Variants in CCDC146 observed in about 807,000 individuals in gnomAD.
CCDC146 encodes the protein coiled-coil domain containing 146.
Under a neutral mutation model 119.3 loss-of-function variants are expected in CCDC146, and 92 were observed. That is an observed-to-expected ratio of 0.77 (90% CI 0.65 to 0.92). The LOEUF is 0.92. Among genes scored for constraint, CCDC146 ranks in the 40% least tolerant of loss-of-function variants. The pLI is 0.00. For synonymous variants in CCDC146, 372 were observed against 371.8 expected (o/e 1.00, Z -0.01); for missense variants, 1,000 against 1,103.0 (o/e 0.91, Z 1.32).
At chr7:77,274,438 T>G in intron 10 of CCDC146, 44 bp from the exon 11 acceptor site, 1 of 1,293,028 alleles carries the variant, frequency 7.7e-7, no homozygotes, top group Non-Finnish European at 1.1e-6. Flanking sequence ...CTGTATTACT[T>G]CAAACAAATA....
chr7:77,141,587 C>T (rs1790934395), intron 1 of CCDC146, among the ~76,000 whole-genome samples: 1 of 152,188 alleles, frequency 6.6e-6, no homozygotes, highest in Non-Finnish European at 1.5e-5. Flanking sequence ...TCTGTTGTTT[C>T]CTGACTTTTT....
intron 18 of CCDC146, among the ~76,000 whole-genome samples, chr7:77,293,718 A>G (rs1174246234): frequency 1.3e-5 from 2 of 152,114 alleles, no homozygotes; most frequent in African/African-American, 2.4e-5. Flanking sequence ...GACTAGGTCT[A>G]TTGCTGACTC....
intron 4 of CCDC146, among the ~76,000 whole-genome samples, chr7:77,251,522 C>T (rs1287282269): frequency 1.3e-5 from 2 of 152,016 alleles, no homozygotes; most frequent in Non-Finnish European, 2.9e-5. Context: ...TTCAGTGTGC[C>T]TTGCAGTTTT....
In CCDC146 at chr7:77,145,017, G is replaced by T. The variant is rs183043328; in HGVS notation, c.-12+22285G>T. ...GGTACCAGCTCCTCCTAGTACCTCT[G>T]GTAGAATTCGGCTGTGAATCCGTCT... On this transcript the variant is annotated intron_variant, in intron 1 of 18. Coordinates refer to ENST00000285871, the MANE Select transcript of CCDC146 (RefSeq NM_020879.3). 5.3e-4 allele frequency among the ~76,000 whole-genome samples: 81 copies of T among 151,754 alleles called. 1 individual carries two copies. The highest frequency in any genetic ancestry group is 1.9e-3 in the African/African-American group (79 of 41,130).
chr7:77,228,391 T>C (rs904475257), intron 2 of CCDC146, among the ~76,000 whole-genome samples: 1 of 152,218 alleles, frequency 6.6e-6, no homozygotes, highest in Non-Finnish European at 1.5e-5. Flanking sequence ...CTCCCACTTA[T>C]AAGTGAGAAC....
chr7:77,287,775 G>A (rs1219600220), intron 17 of CCDC146, among the ~76,000 whole-genome samples, 198 bp downstream of exon 17: 1 of 152,136 alleles, frequency 6.6e-6, no homozygotes, highest in Non-Finnish European at 1.5e-5. Flanking sequence ...TTCACTTCAC[G>A]GTGGCAAAAC....
At chr7:77,199,102 A>T in intron 2 of CCDC146, 1 of 1,225,108 alleles carries the variant, frequency 8.2e-7, no homozygotes, top group Non-Finnish European at 1.1e-6. Context: ...TAACTTACTG[A>T]CTCAGGTTAA....
chr7:77,207,332 C>T (rs1034445515), intron 2 of CCDC146, among the ~76,000 whole-genome samples: 4 of 152,072 alleles, frequency 2.6e-5, no homozygotes, highest in South Asian at 2.1e-4. Context: ...GTGGAAAAAA[C>T]GACTTCATGA....
intron 2 of CCDC146, among the ~76,000 whole-genome samples, chr7:77,203,194 C>A (rs188636959): frequency 6.6e-5 from 10 of 151,744 alleles, no homozygotes; most frequent in Admixed American, 1.3e-4. Context: ...GCATTATTAC[C>A]AAGGCATGAT....
In CCDC146 at chr7:77,279,059, A is replaced by G; in HGVS notation, c.1652A>G (p.Asn551Ser). 6.2e-7 allele frequency: 1 copy of G among 1,610,928 alleles called. No homozygotes were observed. Among genetic ancestry groups the G allele is most frequent in the Non-Finnish European group, 8.5e-7 (1 of 1,178,210 alleles). ...AAAGAAAGGCATAAAATGTCATTAAATGAACTTGAAATTCTGAGAAATAGT... is the reference window on the plus strand; with the variant it reads ...AAAGAAAGGCATAAAATGTCATTAAGTGAACTTGAAATTCTGAGAAATAGT... Reference protein sequence around the residue: ...EIKERHKMSLNELEILRNSAV... With the variant: ...EIKERHKMSLSELEILRNSAV... The change falls in exon 13 of 19, where the codon AAT becomes AGT. Residue 551 changes from asparagine to serine, a missense_variant. Around this residue, in one of 2 missense-constraint regions of CCDC146, gnomAD observed 985 missense variants for 1,045.3 expected, o/e 0.94. Transcript: ENST00000285871.
At chr7:77,252,573 A>G (rs1793096076) in intron 4 of CCDC146, among the ~76,000 whole-genome samples, 2 of 152,206 alleles carry the variant, frequency 1.3e-5, no homozygotes, top group Admixed American at 1.3e-4. Context: ...CCTTTGATAT[A>G]CACAACTGGA....
chr7:77,216,283 C>T (rs575903498), intron 2 of CCDC146, among the ~76,000 whole-genome samples: 96 of 152,196 alleles, frequency 6.3e-4, no homozygotes, highest in African/African-American at 2.2e-3. Flanking sequence ...ACATAGTATT[C>T]TTCTTTGGAT....
At chr7:77,156,978 C>T in intron 1 of CCDC146, among the ~76,000 whole-genome samples, 1 of 145,024 alleles carries the variant, frequency 6.9e-6, no homozygotes, top group African/African-American at 2.7e-5. Flanking sequence ...ATTTTTGTAA[C>T]CCTGTTTTGA....
chr7:77,227,565 A>G (rs576656421), intron 2 of CCDC146, among the ~76,000 whole-genome samples: 1 of 152,326 alleles, frequency 6.6e-6, no homozygotes, highest in Non-Finnish European at 1.5e-5. Context: ...TCAGCCTCCC[A>G]AAGTGCTGGC....
intron 1 of CCDC146, among the ~76,000 whole-genome samples, chr7:77,138,814 A>T (rs1790894979): frequency 6.6e-6 from 1 of 152,230 alleles, no homozygotes; most frequent in Non-Finnish European, 1.5e-5. Context: ...CAATAGTAAG[A>T]TACTATCACA....
chr7:77,190,343 T>C (rs1455626096), intron 2 of CCDC146, among the ~76,000 whole-genome samples: 2 of 152,254 alleles, frequency 1.3e-5, no homozygotes, highest in Admixed American at 6.5e-5. Flanking sequence ...TCTTCCTTAA[T>C]CAGGCAACCT....
At position 77,238,734 on chromosome 7, in the gene CCDC146, G is replaced by C. The variant is rs1236391071; in HGVS notation, c.239+1705G>C. 2.0e-5 allele frequency among the ~76,000 whole-genome samples: 3 copies of C among 152,060 alleles called. No individual in the cohort carries two copies. In the East Asian group the frequency reaches 5.8e-4, roughly 29 times the overall value. On this transcript the variant is annotated intron_variant, in intron 3 of 18. Coordinates refer to ENST00000285871, the MANE Select transcript of CCDC146 (RefSeq NM_020879.3). ...GCCCAGCCTGGATAGCTCTTATCTA[G>C]AGCCCAGTGGAGATTTGCAGGGTGC...
intron 2 of CCDC146, among the ~76,000 whole-genome samples, chr7:77,228,838 A>G (rs777641529): frequency 2.0e-5 from 3 of 152,126 alleles, no homozygotes; most frequent in Non-Finnish European, 4.4e-5. Context: ...GACTTTTTAA[A>G]AATTGTTATC....
chr7:77,160,323 G>A (rs1024388845), intron 1 of CCDC146, among the ~76,000 whole-genome samples: 2 of 152,176 alleles, frequency 1.3e-5, no homozygotes, highest in African/African-American at 4.8e-5. Context: ...TTGGTAGCTT[G>A]ATGGGGATGG....
Sources: allele counts gnomAD v4.1 joint callset (sites outside exome capture counted in the v4.1 genomes callset), GRCh38; gene constraint gnomAD v4.1.1; regional missense constraint gnomAD v4.1.1; transcripts MANE v1.5; gene names NCBI Gene and HGNC (gene_info 2026-07-23, HGNC 2026-07-21).